SPTA1: variants seen among roughly 807,000 people sequenced by gnomAD.
SPTA1 encodes spectrin alpha, erythrocytic 1.
Under a neutral mutation model 324.7 loss-of-function variants are expected in SPTA1, and 177 were observed. That is an observed-to-expected ratio of 0.55 (90% CI 0.48 to 0.62). SPTA1 has a LOEUF of 0.62. SPTA1 is among the 20% of genes least tolerant of loss of function. The probability of loss-of-function intolerance (pLI) is 0.00; values close to 1 mark genes in which losing one functional copy is unlikely to be tolerated. For synonymous variants in SPTA1, 1,195 were observed against 1,041.3 expected, an observed-to-expected ratio of 1.15 and a Z score of -2.84; for missense variants, 3,162 against 2,883.6, an observed-to-expected ratio of 1.10 and a Z score of -2.21.
chr1:158,654,886 T>C (rs1652715670), intron 20 of SPTA1, 138 bp from the exon 21 acceptor site: 1 of 1,174,346 alleles, frequency 8.5e-7, no homozygotes, highest in East Asian at 2.5e-5. Flanking sequence ...CTGCAGAGAT[T>C]AAAGTATGTG....
intron 48 of SPTA1, 44 bp from the exon 49 acceptor site, chr1:158,614,350 C>T (rs372085824): frequency 8.9e-6 from 12 of 1,343,718 alleles, no homozygotes; most frequent in South Asian, 2.4e-5. Context: ...GTATATGAAA[C>T]ACAGGTTAGC....
At chr1:158,637,064 A>G (rs887509195) in intron 36 of SPTA1, among the ~76,000 whole-genome samples, 1 of 152,200 alleles carries the variant, frequency 6.6e-6, no homozygotes, top group Non-Finnish European at 1.5e-5. Context: ...TCAAGAATAC[A>G]CACTAATGTT....
intron 6 of SPTA1, 49 bp from the exon 7 acceptor site, chr1:158,677,883 A>G (rs749830486): frequency 1.9e-6 from 3 of 1,611,570 alleles, no homozygotes; most frequent in South Asian, 1.1e-5. Context: ...CAAGCATTAC[A>G]GGGCAAACGG....
intron 5 of SPTA1, among the ~76,000 whole-genome samples, chr1:158,679,232 C>A (rs1654620380): frequency 6.6e-6 from 1 of 152,100 alleles, no homozygotes; most frequent in African/African-American, 2.4e-5. Context: ...TTCTCCTTCT[C>A]AAGTACATGG....
chr1:158,629,215 ATCT>A (rs1650514736), intron 39 of SPTA1, among the ~76,000 whole-genome samples: 1 of 151,730 alleles, frequency 6.6e-6, no homozygotes, highest in Non-Finnish European at 1.5e-5. Flanking sequence ...CTATCTATCT[ATCT>A]ATCTATCTGA....
At chr1:158,636,867 G>A in intron 36 of SPTA1, 106 bp from the exon 37 acceptor site, 1 of 1,593,048 alleles carries the variant, frequency 6.3e-7, no homozygotes, top group Admixed American at 1.7e-5. Context: ...GAGGGAGGTG[G>A]TTGTAAATTC....
At chr1:158,665,798 C>A (rs1653552384) in intron 16 of SPTA1, among the ~76,000 whole-genome samples, 1 of 151,992 alleles carries the variant, frequency 6.6e-6, no homozygotes, top group African/African-American at 2.4e-5. Flanking sequence ...CACAGAATAC[C>A]TGAACAGGAA....
chr1:158,614,558 G>A (rs1649445730), intron 48 of SPTA1: 1 of 416,866 alleles, frequency 2.4e-6, no homozygotes, highest in African/African-American at 2.0e-5. Context: ...TTTGAAACAT[G>A]AAAATTACAT....
rs747322490 is a variant in SPTA1, at chr1:158,652,657, G to C, written c.3189-4C>G. 3 of 1,613,956 alleles carry C rather than the reference G, an allele frequency of 1.9e-6. No homozygotes were observed. The highest frequency in any genetic ancestry group is 4.5e-5 in the East Asian group (2 of 44,880). Reference sequence around the variant, plus strand: ...CCGATCCAAGAGGGAGCGGTATCTGGATGGAGAATTGGGAAAAGTGGAATA... The same window carrying C: ...CCGATCCAAGAGGGAGCGGTATCTGCATGGAGAATTGGGAAAAGTGGAATA... On this transcript the variant is annotated splice_region_variant and splice_polypyrimidine_tract_variant and intron_variant, in intron 22 of 51. Transcript: ENST00000643759.
Position 158,617,676 on chromosome 1 carries a change from A to T in SPTA1, c.6549-88T>A, listed in dbSNP as rs1335210389. 5 of 1,303,382 alleles carry T rather than the reference A, an allele frequency of 3.8e-6. No individual in the cohort carries two copies. In the East Asian group the frequency reaches 1.2e-4, roughly 30 times the overall value. The allele number at this position is 1,303,382 out of a possible 1,614,324, so 80.7% of individuals were successfully genotyped here. ...TACCAACTCGAAGCTCCTCTGTTTC[A>T]ACTTCTCCAAGGTTATGTGGCTTAC... On this transcript the variant is annotated intron_variant, in intron 46 of 51. Transcript: ENST00000643759.
intron 42 of SPTA1, 111 bp downstream of exon 42, chr1:158,626,035 C>A: frequency 1.1e-6 from 1 of 885,424 alleles, no homozygotes; most frequent in Non-Finnish European, 1.8e-6. Flanking sequence ...AAGGGAAAAT[C>A]TTACAGAGGC....
rs1327181163 is a variant in SPTA1, at chr1:158,645,516, C to A, written c.3975G>T (p.Glu1325Asp). 6 of 1,614,016 alleles carry A rather than the reference C, an allele frequency of 3.7e-6. No homozygotes were observed. The East Asian group carries it at 1.1e-4, about 30-fold the overall frequency. ...QELAEDLTGIEILLERHQEHR... is the reference protein window; with the variant it reads ...QELAEDLTGIDILLERHQEHR... ...TTACCTGATGTCTCTCCAGCAAGAT[C>A]TCTATGCCAGTTAAGTCTTCGGCCA... Residue 1325 changes from glutamate to aspartate, a missense_variant, in exon 28 of 52, where the codon GAG becomes GAT. By Grantham distance (45) the Glu-to-Asp change is conservative. Transcript: ENST00000643759.
chr1:158,628,635 T>C (rs1161572107), intron 39 of SPTA1, among the ~76,000 whole-genome samples: 1 of 152,180 alleles, frequency 6.6e-6, no homozygotes, highest in Admixed American at 6.5e-5. Context: ...TTTGTATGAC[T>C]GAAAGCCTGA....
At position 158,620,187 on chromosome 1, in the gene SPTA1, G is replaced by C; in HGVS notation, c.6400C>G (p.Leu2134Val). The change falls in exon 44 of 52, where the codon CTA (leucine) becomes GTA (valine). Residue 2134 changes from leucine to valine, a missense_variant. Physicochemically the swap from Leu to Val is conservative, Grantham distance 32. Coordinates refer to ENST00000643759, the MANE Select transcript of SPTA1 (RefSeq NM_003126.4). The part of the protein sequence containing the change: ...VEVLERTWKH[L>V]SDIIEEREQE... ...CAGGTTACCTCAATGATGTCAGATA[G>C]GTGCTTCCAGGTCCTTTCCAGCACC... The C allele has an allele frequency of 1.9e-6, 3 of 1,614,122 alleles. No individual in the cohort carries two copies. The highest frequency in any genetic ancestry group is 1.1e-5 in the South Asian group (1 of 91,072).
intron 37 of SPTA1, 90 bp from the exon 38 acceptor site, chr1:158,636,124 C>T: frequency 6.2e-7 from 1 of 1,606,936 alleles, no homozygotes; most frequent in Non-Finnish European, 8.5e-7. Context: ...GCCCATCCTA[C>T]CCTCCAGATT....
At position 158,667,904 on chromosome 1, in the gene SPTA1, T is replaced by C. The variant is rs1653723551; in HGVS notation, c.1992A>G (p.Glu664=). The stretch of plus-strand genomic sequence containing the variant: ...GCAACTCCTCCCAGAGGCTGGCAAC[T>C]TCACTCAGACGAGTGGTCACATTGT... ...ASDNVTTRLS[E]VASLWEELLE... Residue 664 remains glutamate (E), a synonymous_variant, in exon 15 of 52, where the codon GAA becomes GAG. Transcript: ENST00000643759. The C allele has an allele frequency of 3.7e-6, 6 of 1,614,046 alleles. No individual in the cohort carries two copies. The highest frequency in any genetic ancestry group is 2.2e-5 in the East Asian group (1 of 44,852).
Position 158,652,672 on chromosome 1 carries a change from A to T in SPTA1, c.3189-19T>A. 6.2e-7 allele frequency: 1 copy of T among 1,613,922 alleles called. No individual in the cohort carries two copies. The highest frequency in any genetic ancestry group is 2.2e-5 in the East Asian group (1 of 44,864). On this transcript the variant is annotated intron_variant, in intron 22 of 51. Coordinates refer to ENST00000643759, the MANE Select transcript of SPTA1 (RefSeq NM_003126.4). ...GCGGTATCTGGATGGAGAATTGGGA[A>T]AAGTGGAATAAAAGAAGGAGAAAAT...
chr1:158,669,451 C>T lies in SPTA1; in HGVS notation c.1790G>A (p.Trp597Ter). 2 of 1,614,138 alleles carry T rather than the reference C, an allele frequency of 1.2e-6. No individual in the cohort carries two copies. Among genetic ancestry groups the T allele is most frequent in the Non-Finnish European group, 1.7e-6 (2 of 1,180,002 alleles). The change falls in exon 14 of 52, where the codon TGG becomes TAG. Residue 597 changes from tryptophan to a stop codon, truncating the protein, a stop_gained. Coordinates refer to ENST00000643759, the MANE Select transcript of SPTA1 (RefSeq NM_003126.4). LOFTEE classifies it high-confidence loss of function. ...TGCCAACTTTTTCTTCTTGTTGATC[C>T]AGTTCTTTAGGTCATCTGAGTCCTC... ...LYEDSDDLKN[W>*]INKKKKLADD...
intron 24 of SPTA1, among the ~76,000 whole-genome samples, chr1:158,650,804 T>C (rs916922442): frequency 1.3e-5 from 2 of 152,294 alleles, no homozygotes; most frequent in South Asian, 2.1e-4. Flanking sequence ...TGGGTGGACA[T>C]GTAAGGAAAA....
Sources: gnomAD v4.1 joint callset for allele counts (sites outside exome capture counted in the v4.1 genomes callset) on GRCh38, gnomAD v4.1.1 for gene constraint, MANE v1.5 for transcripts, NCBI Gene and HGNC (gene_info 2026-07-23, HGNC 2026-07-21) for gene names.